Variants in LAMA2 observed in about 807,000 individuals in gnomAD.
LAMA2 encodes laminin subunit alpha 2.
LAMA2 carries 269 observed loss-of-function variants against 364.8 expected under a neutral mutation model. The ratio of observed to expected loss-of-function variants is 0.74; its 90% CI spans 0.67 to 0.82. The LOEUF is 0.82. Among genes scored for constraint, LAMA2 ranks in the 40% least tolerant of loss-of-function variants. The pLI, the probability that LAMA2 is intolerant of heterozygous loss-of-function variation, is 0.00. For synonymous variants in LAMA2, 1,379 were observed against 1,370.6 expected (o/e 1.01, Z -0.14); for missense variants, 3,807 against 3,873.2 (o/e 0.98, Z 0.45).
At chr6:129,434,314 C>A (rs4897322) in intron 41 of LAMA2, among the ~76,000 whole-genome samples, 73,792 of 151,926 alleles carry the variant, frequency 0.49, 18,303 homozygotes, top group African/African-American at 0.58. Context: ...TGCTTCCATT[C>A]CCTCATTGTG....
chr6:129,305,485 T>C (rs1306262555), intron 22 of LAMA2, among the ~76,000 whole-genome samples: 1 of 151,926 alleles, frequency 6.6e-6, no homozygotes, highest in East Asian at 1.9e-4. Flanking sequence ...CCACCATGCT[T>C]GGCTAATTTT....
chr6:129,122,988 G>T (rs546508251), intron 4 of LAMA2, among the ~76,000 whole-genome samples: 2 of 152,094 alleles, frequency 1.3e-5, no homozygotes, highest in African/African-American at 4.8e-5. Context: ...AAAGTAGGAA[G>T]GTTCCTCAAA....
At chr6:128,944,613 T>C (rs865796294) in intron 1 of LAMA2, among the ~76,000 whole-genome samples, 2 of 148,156 alleles carry the variant, frequency 1.3e-5, no homozygotes, top group South Asian at 2.1e-4. Context: ...GCCAACATGG[T>C]GAAACCTCGT....
chr6:129,488,264 C>T (rs948585741), intron 56 of LAMA2, among the ~76,000 whole-genome samples: 1 of 152,020 alleles, frequency 6.6e-6, no homozygotes, highest in Non-Finnish European at 1.5e-5. Context: ...GAGCCGAGAT[C>T]GCACCACTGC....
chr6:129,428,195 C>T (rs1050458683), intron 41 of LAMA2, among the ~76,000 whole-genome samples: 12 of 152,096 alleles, frequency 7.9e-5, no homozygotes, highest in African/African-American at 2.7e-4. Context: ...TTAGGGAGGC[C>T]GAGGCAGGAG....
At chr6:129,401,568 AT>A (rs756372926) in intron 38 of LAMA2, among the ~76,000 whole-genome samples, 4 of 152,222 alleles carry the variant, frequency 2.6e-5, no homozygotes, top group Non-Finnish European at 5.9e-5. Context: ...ATTCACACAT[AT>A]CTGTTTTTGT....
intron 12 of LAMA2, among the ~76,000 whole-genome samples, chr6:129,218,199 T>C (rs550945416): frequency 7.9e-5 from 12 of 152,160 alleles, no homozygotes; most frequent in Non-Finnish European, 1.6e-4. Context: ...ATTCCAACAT[T>C]AACATCTCAG....
rs139485727 is a variant in LAMA2, at chr6:129,241,225, A to T, written c.1783-8887A>T. 1.8e-3 allele frequency among the ~76,000 whole-genome samples: 274 copies of T among 152,334 alleles called. 2 individuals are homozygous for T. Among genetic ancestry groups the T allele is most frequent in the African/African-American group, 6.5e-3 (269 of 41,590 alleles). ...TGTGATTAAAATTCAGCAGATACTT[A>T]TGCAAGATCTACTATCTATAAGATG... On this transcript the variant is annotated intron_variant, in intron 12 of 64. Transcript: ENST00000421865.
chr6:129,329,261 C>T (rs373958023), intron 29 of LAMA2, among the ~76,000 whole-genome samples: 1 of 152,210 alleles, frequency 6.6e-6, no homozygotes, highest in Non-Finnish European at 1.5e-5. Flanking sequence ...GCAGAATCCT[C>T]CTCTTCCCTC....
chr6:129,410,594 TAAAC>T (rs1780483326), intron 40 of LAMA2, among the ~76,000 whole-genome samples: 2 of 152,128 alleles, frequency 1.3e-5, no homozygotes, highest in African/African-American at 4.8e-5. Context: ...GTTCTCCAAA[TAAAC>T]AGAACTATTA....
intron 45 of LAMA2, among the ~76,000 whole-genome samples, chr6:129,452,700 A>G (rs558929361): frequency 1.3e-5 from 2 of 152,326 alleles, no homozygotes; most frequent in East Asian, 1.9e-4. Context: ...TTGATAATGG[A>G]GAAATGTATG....
chr6:129,165,789 C>A, intron 9 of LAMA2, 114 bp downstream of exon 9: 1 of 750,472 alleles, frequency 1.3e-6, no homozygotes, highest in East Asian at 2.7e-5. Flanking sequence ...TAAATTTATT[C>A]TTTAATCTAT....
intron 29 of LAMA2, among the ~76,000 whole-genome samples, chr6:129,335,518 A>C (rs1775909006): frequency 6.6e-6 from 1 of 152,124 alleles, no homozygotes; most frequent in Admixed American, 6.5e-5. Context: ...TTTTAAAGAT[A>C]AAATAATTTG....
At chr6:129,110,820 T>C (rs1776116661) in intron 4 of LAMA2, among the ~76,000 whole-genome samples, 1 of 152,016 alleles carries the variant, frequency 6.6e-6, no homozygotes, top group Non-Finnish European at 1.5e-5. Flanking sequence ...AAATGTGTAT[T>C]TACTGTTGGT....
chr6:129,110,940 A>G (rs186004838), intron 4 of LAMA2, among the ~76,000 whole-genome samples: 49 of 152,176 alleles, frequency 3.2e-4, no homozygotes, highest in African/African-American at 1.1e-3. Flanking sequence ...AAGATAATGT[A>G]CTATTATCAT....
At chr6:129,500,463 G>A (rs777610604) in intron 58 of LAMA2, among the ~76,000 whole-genome samples, 3 of 152,182 alleles carry the variant, frequency 2.0e-5, no homozygotes, top group African/African-American at 2.4e-5. Flanking sequence ...TGAGAATACC[G>A]TTTTATTAAG....
chr6:129,490,557 C>T (rs1784809786), intron 56 of LAMA2: 1 of 152,182 alleles, frequency 6.6e-6, no homozygotes, highest in Non-Finnish European at 1.5e-5. Context: ...AGGCTTATAT[C>T]CTTCATTAAA....
chr6:129,500,854 A>T (rs1562625670), intron 58 of LAMA2, among the ~76,000 whole-genome samples: 1 of 152,192 alleles, frequency 6.6e-6, no homozygotes, highest in African/African-American at 2.4e-5. Context: ...TTAATAGAGA[A>T]GTTATATTGA....
chr6:128,956,452 T>C (rs1404929821), intron 1 of LAMA2, among the ~76,000 whole-genome samples: 1 of 152,030 alleles, frequency 6.6e-6, no homozygotes, highest in Non-Finnish European at 1.5e-5. Context: ...ATACTTATTA[T>C]GAATCCAAGA....
Sources: gnomAD v4.1 joint callset for allele counts (sites outside exome capture counted in the v4.1 genomes callset) on GRCh38, gnomAD v4.1.1 for gene constraint, MANE v1.5 for transcripts, NCBI Gene and HGNC (gene_info 2026-07-23, HGNC 2026-07-21) for gene names.